The following FAP variants were observed in gnomAD, a reference collection of about 807,000 sequenced individuals.
The protein encoded by FAP is prolyl endopeptidase FAP.
Under a neutral mutation model 126.5 loss-of-function variants are expected in FAP, and 110 were observed. The ratio of observed to expected loss-of-function variants is 0.87; its 90% CI spans 0.74 to 1.02. The LOEUF (loss-of-function observed/expected upper bound fraction) is 1.02, where lower values mean the gene tolerates loss of function less well. Ranked by LOEUF, FAP falls within the 50% of genes least tolerant of loss-of-function variation. The pLI is 0.00. For missense variants in FAP, 919 were observed against 909.2 expected (o/e 1.01, Z -0.14); for synonymous variants, 334 against 297.3 (o/e 1.12, Z -1.27).
At chr2:162,236,155 A>G (rs1690120892) in intron 2 of FAP, among the ~76,000 whole-genome samples, 1 of 152,112 alleles carries the variant, frequency 6.6e-6, no homozygotes, top group Non-Finnish European at 1.5e-5. Flanking sequence ...CTAAATCCCA[A>G]TTTGTCATGG....
chr2:162,173,469 C>G (rs1687384614), intron 23 of FAP, among the ~76,000 whole-genome samples: 1 of 151,876 alleles, frequency 6.6e-6, no homozygotes. Flanking sequence ...ATAAATGATG[C>G]CCGCTCAAGC....
Position 162,206,891 on chromosome 2 carries a change from A to G in FAP, c.1047+3061T>C, listed in dbSNP as rs538130692. 2.6e-5 allele frequency among the ~76,000 whole-genome samples: 4 copies of G among 152,338 alleles called. No homozygotes were observed. In the East Asian group the frequency reaches 7.7e-4, roughly 29 times the overall value. On this transcript the variant is annotated intron_variant, in intron 12 of 25. Transcript: ENST00000188790. ...GTTCTGTGCCTGCAACTAACAGATC[A>G]TTTACTTTTAGCAAGTCATTTAATC...
chr2:162,205,089 T>C (rs1250834506), intron 12 of FAP, among the ~76,000 whole-genome samples: 1 of 152,190 alleles, frequency 6.6e-6, no homozygotes, highest in East Asian at 1.9e-4. Flanking sequence ...GTTTGGCCTA[T>C]AAAAGGTGGC....
chr2:162,172,778 G>A (rs767936222), intron 25 of FAP, 33 bp downstream of exon 25: 10 of 1,450,390 alleles, frequency 6.9e-6, no homozygotes, highest in Middle Eastern at 1.7e-4. Context: ...GAGGGTCTAA[G>A]GCCATGAACA....
intron 16 of FAP, among the ~76,000 whole-genome samples, chr2:162,197,174 T>C (rs906667933): frequency 2.0e-5 from 3 of 152,236 alleles, no homozygotes; most frequent in Admixed American, 1.3e-4. Context: ...CCAGCTTTTT[T>C]GGTAGACTGC....
chr2:162,203,665 A>G (rs1368547426), intron 12 of FAP, among the ~76,000 whole-genome samples: 21 of 152,152 alleles, frequency 1.4e-4, no homozygotes, highest in Admixed American at 1.4e-3. Context: ...TGGACTTGAG[A>G]GAAAAAAGTT....
chr2:162,175,606 C>T (rs570035769), intron 21 of FAP: 4 of 152,210 alleles, frequency 2.6e-5, no homozygotes, highest in African/African-American at 9.6e-5. Context: ...TATATTTCTT[C>T]CTGCAAATTT....
chr2:162,237,872 T>C (rs1015455357), intron 2 of FAP, among the ~76,000 whole-genome samples: 1 of 152,220 alleles, frequency 6.6e-6, no homozygotes, highest in Non-Finnish European at 1.5e-5. Flanking sequence ...GTTTCCTAAC[T>C]TTTTAATGAT....
At position 162,189,687 on chromosome 2, in the gene FAP, C is replaced by T; in HGVS notation, c.1518G>A (p.Glu506=). 1 of 1,585,292 alleles carries T rather than the reference C, an allele frequency of 6.3e-7. No homozygotes were observed. The highest frequency in any genetic ancestry group is 8.6e-7 in the Non-Finnish European group (1 of 1,163,170). ...CATCTACTTCAAGTTTCTTAATTTC[C>T]TCTTTAGGCAGCTGGATATTTTTCA... ...NALKNIQLPK[E]EIKKLEVDEI... is the part of the protein sequence containing the mutation. Residue 506 remains glutamate (E), a synonymous_variant, in exon 18 of 26, where the codon GAG becomes GAA. Coordinates refer to ENST00000188790, the MANE Select transcript of FAP (RefSeq NM_004460.5).
Position 162,188,274 on chromosome 2 carries a change from G to A in FAP, c.1709C>T (p.Ala570Val), listed in dbSNP as rs746078683. 4.3e-6 allele frequency: 7 copies of A among 1,613,212 alleles called. No homozygotes were observed. The highest frequency in any genetic ancestry group is 1.3e-5 in the African/African-American group (1 of 74,930). The change falls in exon 20 of 26, where the codon GCC becomes GTC. Residue 570 changes from alanine to valine, a missense_variant. By Grantham distance (64) the Ala-to-Val change is moderately conservative. Coordinates refer to ENST00000188790, the MANE Select transcript of FAP (RefSeq NM_004460.5). ...YLASKEGMVI[A>V]LVDGRGTAFQ... The stretch of plus-strand genomic sequence containing the variant: ...AGCTGTTCCTCGACCATCCACCAAG[G>A]CAATGACCATCCCTTCCTTACTTGC...
chr2:162,201,483 C>T (rs534676676), intron 14 of FAP, among the ~76,000 whole-genome samples: 1 of 152,150 alleles, frequency 6.6e-6, no homozygotes, highest in East Asian at 1.9e-4. Flanking sequence ...CCTTGCCCTC[C>T]CCACATCATC....
In FAP at chr2:162,189,168, T is replaced by C. The variant is rs761267321; in HGVS notation, c.1554A>G (p.Leu518=). 1.8e-5 allele frequency: 29 copies of C among 1,591,964 alleles called. No homozygotes were observed. In the Admixed American group the frequency reaches 4.2e-4, roughly 23 times the overall value. Residue 518 remains leucine, a synonymous_variant, in exon 19 of 26, where the codon TTA becomes TTG. Coordinates refer to ENST00000188790, the MANE Select transcript of FAP (RefSeq NM_004460.5). ...GAGGAGGAAGAATCATCTTGTACCA[T>C]AAAGCTTTGAGGAAAAAAAAAGGAG... ...IKKLEVDEIT[L]WYKMILPPQF...
chr2:162,242,834 C>G, intron 2 of FAP, 74 bp downstream of exon 2: 1 of 1,104,550 alleles, frequency 9.1e-7, no homozygotes, highest in Non-Finnish European at 1.4e-6. Context: ...AAATGTTCAA[C>G]CACTTGTGAT....
At chr2:162,231,810 C>A (rs944658061) in intron 2 of FAP, among the ~76,000 whole-genome samples, 3 of 152,190 alleles carry the variant, frequency 2.0e-5, no homozygotes, top group Non-Finnish European at 4.4e-5. Flanking sequence ...AGAGCAGAGA[C>A]ATTGGATGTT....
intron 25 of FAP, 176 bp downstream of exon 25, chr2:162,172,635 G>C: frequency 1.8e-6 from 1 of 555,782 alleles, no homozygotes; most frequent in Non-Finnish European, 3.2e-6. Context: ...GGTTTGCCTC[G>C]GGTCCTTCAG....
chr2:162,213,205 G>A (rs988947542), intron 11 of FAP, among the ~76,000 whole-genome samples: 3 of 151,606 alleles, frequency 2.0e-5, no homozygotes, highest in African/African-American at 7.3e-5. Flanking sequence ...GTGAAACCCC[G>A]TGTCTACTAA....
At chr2:162,197,671 C>G in intron 16 of FAP, 1 of 456,494 alleles carries the variant, frequency 2.2e-6, no homozygotes, top group Non-Finnish European at 4.4e-6. Context: ...GGTGGCTGGA[C>G]TGAGGGAAGT....
In FAP at chr2:162,170,984, C is replaced by G. The variant is rs1454853660; in HGVS notation, c.2278G>C (p.Asp760His). 2.5e-6 allele frequency: 4 copies of G among 1,612,532 alleles called. No homozygotes were observed. Among genetic ancestry groups the G allele is most frequent in the Non-Finnish European group, 2.5e-6 (3 of 1,178,894 alleles). The change falls in exon 26 of 26, where the codon GAC becomes CAC. Residue 760 changes from aspartate (D) to histidine (H), a missense_variant. Asp to His is a moderately conservative substitution (Grantham distance 81, BLOSUM62 -1). Coordinates refer to ENST00000188790, the MANE Select transcript of FAP (RefSeq NM_004460.5). Reference sequence around the variant, plus strand: ...GGCTTGCATCTGCATCGTTTTTAGTCTGACAAAGAGAAACACTGCTTTAGG... The same window carrying G: ...GGCTTGCATCTGCATCGTTTTTAGTGTGACAAAGAGAAACACTGCTTTAGG... ...HFLKQCFSLS[D>H]
At position 162,237,364 on chromosome 2, in the gene FAP, C is replaced by G. The variant is rs1331245415; in HGVS notation, c.91+5544G>C. ...AGGTATTTCTTCTAATGCTATCCCT[C>G]CCCTAGTCCCCCGACCCCCCAACAG... On this transcript the variant is annotated intron_variant, in intron 2 of 25. Transcript: ENST00000188790. Among the ~76,000 whole-genome samples the G allele has an allele frequency of 2.6e-5, 4 of 152,100 alleles. No homozygotes were observed. In the East Asian group the frequency reaches 7.7e-4, roughly 29 times the overall value.
Sources: gnomAD v4.1 joint callset for allele counts (sites outside exome capture counted in the v4.1 genomes callset) on GRCh38, gnomAD v4.1.1 for gene constraint, MANE v1.5 for transcripts, NCBI Gene and HGNC (gene_info 2026-07-23, HGNC 2026-07-21) for gene names.